Variants in CD160 observed in about 807,000 individuals in gnomAD.
The protein encoded by CD160 is CD160 antigen.
CD160 carries 11 observed loss-of-function variants against 19.2 expected under a neutral mutation model. The ratio of observed to expected loss-of-function variants is 0.57; its 90% CI spans 0.36 to 0.95. The LOEUF (loss-of-function observed/expected upper bound fraction) is 0.95. Among genes scored for constraint, CD160 ranks in the 40% least tolerant of loss-of-function variants. CD160 has a pLI of 0.01. For missense variants in CD160, 182 were observed against 213.2 expected (o/e 0.85, Z 0.91); for synonymous variants, 75 against 81.1 (o/e 0.93, Z 0.40).
rs782349261 is a variant in CD160, at chr1:145,738,499, G to A, written c.*6G>A. On this transcript the variant is annotated 3_prime_UTR_variant, in exon 6 of 6. Transcript: ENST00000369288. ...TTCTTTCCACAGCTTTGTAAGCCTT[G>A]TGCCAAAAGAAACTTTTAAAACAGC... 44 of 1,323,186 alleles carry A rather than the reference G, an allele frequency of 3.3e-5. No homozygotes were observed. Among genetic ancestry groups the A allele is most frequent in the Non-Finnish European group, 4.2e-5 (43 of 1,025,592 alleles). The allele number at this position is 1,323,186 out of a possible 1,614,324, so 82.0% of individuals were successfully genotyped here.
Position 145,730,940 on chromosome 1 carries a change from A to C in CD160, c.270A>C (p.Glu90Asp). Residue 90 changes from glutamate to aspartate, a missense_variant, in exon 4 of 6, where the codon GAA becomes GAC. By Grantham distance (45) the Glu-to-Asp change is conservative. Transcript: ENST00000369288. ...KRDPGIDGVG[E>D]ISSQLMFTIS... Reference sequence around the variant, plus strand: ...ATCCTGGGATAGATGGTGTTGGTGAAATATCATCTCAGTTGATGTTCACCA... The same window carrying C: ...ATCCTGGGATAGATGGTGTTGGTGACATATCATCTCAGTTGATGTTCACCA... 2 of 1,614,142 alleles carry C rather than the reference A, an allele frequency of 1.2e-6. No individual in the cohort carries two copies. The highest frequency in any genetic ancestry group is 1.7e-6 in the Non-Finnish European group (2 of 1,180,000).
intron 3 of CD160, 43 bp downstream of exon 3, chr1:145,728,443 C>T (rs1553708689): frequency 7.6e-7 from 1 of 1,318,366 alleles, no homozygotes; most frequent in South Asian, 1.2e-5. Context: ...GGGGAGGATC[C>T]TGGGCTTGTG....
chr1:145,730,703 T>G lies in CD160; in HGVS notation c.74-41T>G, dbSNP rs587704516. The G allele has an allele frequency of 2.6e-6, 4 of 1,540,622 alleles. No individual in the cohort carries two copies. The African/African-American group carries it at 5.4e-5, about 21-fold the overall frequency. On this transcript the variant is annotated intron_variant, in intron 3 of 5. Transcript: ENST00000369288. ...AGCAGTTACGGTGAAATTCACAGAATGCTACCTGACCTCTGGGTAATTCTT... is the reference window on the plus strand; with the variant it reads ...AGCAGTTACGGTGAAATTCACAGAAGGCTACCTGACCTCTGGGTAATTCTT...
intron 1 of CD160, 121 bp from the exon 2 acceptor site, chr1:145,724,680 C>T (rs1430609860): frequency 1.3e-5 from 2 of 152,018 alleles, no homozygotes; most frequent in East Asian, 1.9e-4. Context: ...TTAAATCATC[C>T]AAGAATTTCT....
chr1:145,720,610 T>A (rs1656796928), intron 1 of CD160, among the ~76,000 whole-genome samples: 1 of 152,258 alleles, frequency 6.6e-6, no homozygotes, highest in East Asian at 1.9e-4. Context: ...ACAGAGGTAT[T>A]TGTGGAGCTC....
At position 145,730,967 on chromosome 1, in the gene CD160, A is replaced by C; in HGVS notation, c.297A>C (p.Ile99=). 6.2e-7 allele frequency: 1 copy of C among 1,614,164 alleles called. No individual in the cohort carries two copies. The highest frequency in any genetic ancestry group is 1.1e-5 in the South Asian group (1 of 91,080). ...TATCATCTCAGTTGATGTTCACCAT[A>C]AGCCAAGTCACACCGTTGCACAGTG... ...GEISSQLMFT[I]SQVTPLHSGT... Residue 99 remains isoleucine (I), a synonymous_variant, in exon 4 of 6, where the codon ATA becomes ATC. Coordinates refer to ENST00000369288, the MANE Select transcript of CD160 (RefSeq NM_007053.4).
At chr1:145,735,737 C>T (rs1657459849) in intron 4 of CD160, among the ~76,000 whole-genome samples, 1 of 152,194 alleles carries the variant, frequency 6.6e-6, no homozygotes, top group Non-Finnish European at 1.5e-5. Flanking sequence ...GCTGTTTCAG[C>T]TATCTCTGTG....
At chr1:145,727,418 C>T (rs1657093376) in intron 2 of CD160, among the ~76,000 whole-genome samples, 1 of 151,790 alleles carries the variant, frequency 6.6e-6, no homozygotes, top group African/African-American at 2.4e-5. Flanking sequence ...AGTAATTTTT[C>T]TTAGCCAGGA....
intron 2 of CD160, among the ~76,000 whole-genome samples, chr1:145,727,789 T>C (rs1471630): frequency 0.28 from 43,090 of 152,042 alleles, 6,907 homozygotes; most frequent in Non-Finnish European, 0.36. Flanking sequence ...GATCCTCAAC[T>C]TCACTAATCA....
intron 4 of CD160, among the ~76,000 whole-genome samples, chr1:145,733,344 G>A (rs587610786): frequency 3.3e-5 from 5 of 152,058 alleles, no homozygotes; most frequent in East Asian, 1.9e-4. Context: ...TTGCCATGAC[G>A]GCCAGGCTGG....
chr1:145,728,589 C>T (rs1212355736), intron 3 of CD160, among the ~76,000 whole-genome samples, 189 bp downstream of exon 3: 3 of 151,054 alleles, frequency 2.0e-5, no homozygotes, highest in African/African-American at 4.9e-5. Flanking sequence ...CTGCAACCTC[C>T]GCCTCCCATG....
At chr1:145,735,947 C>T in intron 4 of CD160, 50 bp from the exon 5 acceptor site, 1 of 1,279,842 alleles carries the variant, frequency 7.8e-7, no homozygotes, top group Non-Finnish European at 1.1e-6. Context: ...AAAGGAGATA[C>T]TGATGATTTC....
intron 4 of CD160, among the ~76,000 whole-genome samples, chr1:145,734,014 C>T (rs1553709770): frequency 6.6e-6 from 1 of 152,182 alleles, no homozygotes. Context: ...TCCTGAGACC[C>T]TATTTCTGTT....
intron 4 of CD160, among the ~76,000 whole-genome samples, chr1:145,732,987 G>A (rs1657354247): frequency 6.6e-6 from 1 of 152,078 alleles, no homozygotes; most frequent in Admixed American, 6.5e-5. Flanking sequence ...TATTATTTAG[G>A]AATATAATAA....
chr1:145,721,278 C>T (rs1378629984), intron 1 of CD160, among the ~76,000 whole-genome samples: 4 of 152,196 alleles, frequency 2.6e-5, no homozygotes, highest in African/African-American at 9.7e-5. Context: ...GTGACGCGGG[C>T]CAACGCGGGG....
intron 2 of CD160, among the ~76,000 whole-genome samples, chr1:145,727,237 C>G (rs1250879380): frequency 1.3e-5 from 2 of 151,778 alleles, no homozygotes; most frequent in Non-Finnish European, 2.9e-5. Flanking sequence ...CCTTTTTGAC[C>G]TAATGCTATA....
chr1:145,726,635 A>G (rs587692313), intron 2 of CD160, among the ~76,000 whole-genome samples: 1 of 152,334 alleles, frequency 6.6e-6, no homozygotes, highest in Non-Finnish European at 1.5e-5. Flanking sequence ...AATGTAAATG[A>G]CAAGTTGATG....
chr1:145,731,321 G>A (rs1249991574), intron 4 of CD160, among the ~76,000 whole-genome samples: 2 of 152,160 alleles, frequency 1.3e-5, no homozygotes, highest in Non-Finnish European at 2.9e-5. Context: ...TGGTGACACA[G>A]GGGTTGAAGA....
Position 145,728,298 on chromosome 1 carries a change from A to G in CD160, c.-30A>G, listed in dbSNP as rs782753819. The G allele has an allele frequency of 1.6e-5, 25 of 1,584,692 alleles. No individual in the cohort carries two copies. In the Admixed American group the frequency reaches 4.2e-4, roughly 26 times the overall value. On this transcript the variant is annotated 5_prime_UTR_variant, in exon 3 of 6. Coordinates refer to ENST00000369288, the MANE Select transcript of CD160 (RefSeq NM_007053.4). ...TACCAGCAGAGCCAACATTTGCTTCAAGTTCCTGGGCCTGCTGACAGCGTG... is the reference window on the plus strand; with the variant it reads ...TACCAGCAGAGCCAACATTTGCTTCGAGTTCCTGGGCCTGCTGACAGCGTG...
Sources: gnomAD v4.1 joint callset for allele counts (sites outside exome capture counted in the v4.1 genomes callset) on GRCh38, gnomAD v4.1.1 for gene constraint, MANE v1.5 for transcripts, NCBI Gene and HGNC (gene_info 2026-07-23, HGNC 2026-07-21) for gene names.